Variants in MBP observed in about 807,000 individuals in gnomAD.
MBP encodes the protein Golli-MBP.
MBP carries 16 observed loss-of-function variants against 35.8 expected under a neutral mutation model. The observed-to-expected ratio is 0.45, with a 90% CI of 0.30 to 0.68. The LOEUF is 0.68. Among genes scored for constraint, MBP ranks in the 30% least tolerant of loss-of-function variants. MBP has a pLI of 0.08. For synonymous variants in MBP, 143 were observed against 159.6 expected (o/e 0.90, Z 0.78); for missense variants, 380 against 404.7 (o/e 0.94, Z 0.52).
At chr18:77,033,071 G>A (rs1237424705) in intron 3 of MBP, among the ~76,000 whole-genome samples, 1 of 152,168 alleles carries the variant, frequency 6.6e-6, no homozygotes, top group East Asian at 1.9e-4. Context: ...AGGTTCAAGT[G>A]ATTCTCCTGC....
intron 2 of MBP, chr18:77,087,500 GCC>G (rs1463124073): frequency 6.6e-6 from 1 of 152,286 alleles, no homozygotes; most frequent in African/African-American, 2.4e-5. Context: ...AGGAGGCGCG[GCC>G]GGAGCCAAAG....
At chr18:76,984,941 C>T in intron 7 of MBP, 47 bp from the exon 8 acceptor site, 1 of 1,606,056 alleles carries the variant, frequency 6.2e-7, no homozygotes, top group South Asian at 1.1e-5. Context: ...CGGTGCTGGG[C>T]ACGCTGCTTG....
In MBP at chr18:77,131,087, A is replaced by G. The variant is rs868402169; in HGVS notation, c.-26+1493T>C. Among the ~76,000 whole-genome samples, 48 of 42,696 alleles carry G rather than the reference A, an allele frequency of 1.1e-3. 1 individual carries two copies. The highest frequency in any genetic ancestry group is 3.0e-3 in the African/African-American group (45 of 14,948). 28.0% of individuals were successfully genotyped at this position (42,696 alleles called of 152,430 possible). ...CACACACACGCGCGCACGCACGCGC[A>G]CACACACACACACACACACACACAC... On this transcript the variant is annotated intron_variant, in intron 1 of 8. Transcript: ENST00000355994. This position sits in a 1 kb window ranked among gnomAD's most constrained non-coding sequence, Gnocchi z 5.5.
At chr18:77,014,432 G>A in intron 4 of MBP, 1 of 985,504 alleles carries the variant, frequency 1.0e-6, no homozygotes, top group Non-Finnish European at 1.2e-6. Flanking sequence ...GCAGAACTGT[G>A]TGTGGGGCAG....
chr18:77,114,826 G>C (rs1367303623), intron 1 of MBP: 1 of 152,432 alleles, frequency 6.6e-6, no homozygotes, highest in East Asian at 1.9e-4. Flanking sequence ...TGCGCAAGCC[G>C]CCCAACCCAG....
intron 1 of MBP, among the ~76,000 whole-genome samples, chr18:77,129,549 T>C (rs1977171167): frequency 6.6e-6 from 1 of 152,238 alleles, no homozygotes; most frequent in Admixed American, 6.5e-5. Flanking sequence ...CTACAGGTTT[T>C]GACAGAGATT....
At chr18:77,001,313 G>C (rs1235922926) in intron 4 of MBP, among the ~76,000 whole-genome samples, 1 of 152,240 alleles carries the variant, frequency 6.6e-6, no homozygotes, top group Admixed American at 6.5e-5. Flanking sequence ...TTCCAGAGGA[G>C]AGTAAATCAC....
intron 4 of MBP, chr18:77,013,271 T>A (rs945203117): frequency 2.0e-5 from 20 of 985,312 alleles, no homozygotes; most frequent in Non-Finnish European, 2.4e-5. Flanking sequence ...AAGCTCACGA[T>A]GAATGAGATT....
At chr18:77,098,720 C>T (rs1001105595) in intron 2 of MBP, among the ~76,000 whole-genome samples, 1 of 152,136 alleles carries the variant, frequency 6.6e-6, no homozygotes, top group African/African-American at 2.4e-5. Flanking sequence ...CTTGGGAGGG[C>T]TTTGAGGCAC....
intron 1 of MBP, among the ~76,000 whole-genome samples, chr18:77,125,181 T>C (rs892890303): frequency 4.6e-5 from 7 of 152,208 alleles, no homozygotes; most frequent in African/African-American, 1.7e-4. Flanking sequence ...TCTTACCAAA[T>C]TTCAGTAATT....
upstream of MBP, among the ~76,000 whole-genome samples, chr18:77,133,319 T>TCTGGGAGCTGGGAG (rs751200850): frequency 5.3e-5 from 8 of 152,180 alleles, no homozygotes; most frequent in South Asian, 1.7e-3. Flanking sequence ...CAGGTGCTCC[T>TCTGGGAGCTGGGAG]CTGGGAGCTG....
rs2145280856 is a variant in MBP at position 77,131,296 on chromosome 18, G to A, written c.-26+1284C>T. 6.6e-6 allele frequency among the ~76,000 whole-genome samples: 1 copy of A among 152,274 alleles called. No individual in the cohort carries two copies. The highest frequency in any genetic ancestry group is 1.9e-4 in the East Asian group (1 of 5,170). ...CTCAATCCATACGGTCCCCTGACTT[G>A]AGGGTGACCGTCCTTAAACTGTCCC... On this transcript the variant is annotated intron_variant, in intron 1 of 8. Transcript: ENST00000355994. The surrounding 1 kb of genome is among the most constrained non-coding windows in gnomAD (Gnocchi z 5.5).
intron 2 of MBP, among the ~76,000 whole-genome samples, chr18:77,103,895 C>T (rs757520114): frequency 6.6e-6 from 1 of 152,256 alleles, no homozygotes; most frequent in Non-Finnish European, 1.5e-5. Flanking sequence ...ACAGAGGAAG[C>T]TGATGCCTTC....
At chr18:77,100,506 GGGGT>G (rs1266095155) in intron 2 of MBP, among the ~76,000 whole-genome samples, 1,350 of 76,500 alleles carry the variant, frequency 0.018, 13 homozygotes, top group African/African-American at 0.045. Context: ...GATAGAATTT[GGGGT>G]GTGTGTGTGT....
intron 3 of MBP, among the ~76,000 whole-genome samples, chr18:77,035,644 G>A (rs759787094): frequency 6.6e-6 from 1 of 150,706 alleles, no homozygotes; most frequent in Non-Finnish European, 1.5e-5. Flanking sequence ...GACACCACAC[G>A]TCACGCTGCA....
chr18:77,062,029 C>T (rs573357470), intron 3 of MBP, among the ~76,000 whole-genome samples: 2 of 152,334 alleles, frequency 1.3e-5, no homozygotes, highest in Non-Finnish European at 2.9e-5. Flanking sequence ...CATCCATCCT[C>T]TGTGGCACAT....
At chr18:77,064,114 T>A (rs1229902494) in intron 3 of MBP, among the ~76,000 whole-genome samples, 1 of 152,238 alleles carries the variant, frequency 6.6e-6, no homozygotes, top group Non-Finnish European at 1.5e-5. Flanking sequence ...GCTTTTCTAT[T>A]ACGTCTTTAT....
intron 2 of MBP, chr18:77,067,761 T>G (rs1974256968): frequency 2.1e-6 from 1 of 484,814 alleles, no homozygotes; most frequent in African/African-American, 1.9e-5. Context: ...ACCCAATCTC[T>G]CATTTCCTGG....
chr18:77,111,886 CAT>C (rs746287288), intron 1 of MBP, among the ~76,000 whole-genome samples: 1 of 152,148 alleles, frequency 6.6e-6, no homozygotes, highest in Non-Finnish European at 1.5e-5. Context: ...ACAAGCAACT[CAT>C]ATATAAAATA....
Sources: allele counts gnomAD v4.1 joint callset (sites outside exome capture counted in the v4.1 genomes callset), GRCh38; gene constraint gnomAD v4.1.1; non-coding constraint Gnocchi (gnomAD v3.1); transcripts MANE v1.5; gene names NCBI Gene and HGNC (gene_info 2026-07-23, HGNC 2026-07-21).